The following SV2C variants were observed in gnomAD, a reference collection of about 807,000 sequenced individuals.
SV2C encodes the protein solute carrier family 22 member B3.
SV2C carries 49 observed loss-of-function variants against 79.7 expected under a neutral mutation model. The ratio of observed to expected loss-of-function variants is 0.61; its 90% CI spans 0.49 to 0.78. The LOEUF (loss-of-function observed/expected upper bound fraction) is 0.78, where lower values mean the gene tolerates loss of function less well. Among genes scored for constraint, SV2C ranks in the 30% least tolerant of loss-of-function variants. The pLI, the probability that SV2C is intolerant of heterozygous loss-of-function variation, is 0.00. For synonymous variants in SV2C, 334 were observed against 333.2 expected (o/e 1.00, Z -0.03); for missense variants, 833 against 912.9 (o/e 0.91, Z 1.13).
intron 3 of SV2C, among the ~76,000 whole-genome samples, chr5:76,209,020 C>T (rs145970608): frequency 0.015 from 2,244 of 152,304 alleles, 31 homozygotes; most frequent in Non-Finnish European, 0.022. Context: ...CTCCCCAGAG[C>T]TCAGTCAGCA....
chr5:76,294,699 G>C (rs1466121293), intron 8 of SV2C, among the ~76,000 whole-genome samples: 1 of 152,244 alleles, frequency 6.6e-6, no homozygotes, highest in Admixed American at 6.5e-5. Context: ...GTATATCTCA[G>C]TTTGAACCAG....
At chr5:76,037,609 A>C in the SV2C span, among the ~76,000 whole-genome samples, 1 of 152,128 alleles carries the variant, frequency 6.6e-6, no homozygotes, top group African/African-American at 2.4e-5. Flanking sequence ...CCGTTCTCAG[A>C]TCTCCAGCTG....
the SV2C span, among the ~76,000 whole-genome samples, chr5:76,002,168 GTGTA>G: frequency 1.6e-5 from 1 of 62,178 alleles, no homozygotes; most frequent in African/African-American, 5.6e-5. Context: ...CATTTTGTGT[GTGTA>G]TATATATATA....
chr5:76,256,204 C>G (rs1482639077), intron 4 of SV2C, among the ~76,000 whole-genome samples: 1 of 152,120 alleles, frequency 6.6e-6, no homozygotes, highest in African/African-American at 2.4e-5. Flanking sequence ...TGTATCTGTC[C>G]CCTGGGGGAG....
At chr5:76,095,152 A>G (rs1465274605) in intron 1 of SV2C, among the ~76,000 whole-genome samples, 1 of 151,988 alleles carries the variant, frequency 6.6e-6, no homozygotes, top group Non-Finnish European at 1.5e-5. Context: ...AGAGGCTTTT[A>G]AATTAACAGA....
the SV2C span, among the ~76,000 whole-genome samples, chr5:75,866,455 A>G: frequency 6.6e-6 from 1 of 152,208 alleles, no homozygotes; most frequent in South Asian, 2.1e-4. Flanking sequence ...ACTATCCCCT[A>G]TTTTATCAAC....
chr5:76,345,937 A>G (rs1749529095), intron 12 of SV2C, among the ~76,000 whole-genome samples: 1 of 152,090 alleles, frequency 6.6e-6, no homozygotes, highest in Admixed American at 6.5e-5. Flanking sequence ...CAAAATACCT[A>G]ATGCATGAAA....
the SV2C span, among the ~76,000 whole-genome samples, chr5:75,962,140 G>T: frequency 6.6e-6 from 1 of 152,088 alleles, no homozygotes. Flanking sequence ...TGAAGGACTT[G>T]GTCATGAGAG....
chr5:76,309,630 A>AAAAAAAAAAAAAC (rs1554046996), intron 12 of SV2C, among the ~76,000 whole-genome samples: 1 of 131,872 alleles, frequency 7.6e-6, no homozygotes, highest in Non-Finnish European at 1.6e-5. Flanking sequence ...AAAAAACAGA[A>AAAAAAAAAAAAAC]AGAAAGAAAG....
chr5:76,147,639 A>G (rs9293673), intron 2 of SV2C, among the ~76,000 whole-genome samples: 136,818 of 152,260 alleles, frequency 0.9, 61,552 homozygotes, highest in Non-Finnish European at 0.92. Flanking sequence ...CTTGGAAATC[A>G]GAGGGGAACA....
chr5:75,992,627 C>T, the SV2C span, among the ~76,000 whole-genome samples: 1 of 152,038 alleles, frequency 6.6e-6, no homozygotes, highest in Non-Finnish European at 1.5e-5. Flanking sequence ...ATTCACAGTT[C>T]ATGCACAGAC....
intron 4 of SV2C, chr5:76,280,927 C>CGCGACAGGGTCTGAGCCT (rs1747169249): frequency 1.9e-6 from 1 of 526,882 alleles, no homozygotes; most frequent in East Asian, 5.4e-5. Context: ...GTGCTGAGAG[C>CGCGACAGGGTCTGAGCCT]GCGACAGGGT....
chr5:75,966,376 T>G, the SV2C span, among the ~76,000 whole-genome samples: 1 of 152,142 alleles, frequency 6.6e-6, no homozygotes, highest in Non-Finnish European at 1.5e-5. Context: ...CCAAATAAAT[T>G]TTTATGCTAC....
At chr5:75,971,028 A>G in the SV2C span, among the ~76,000 whole-genome samples, 1 of 152,164 alleles carries the variant, frequency 6.6e-6, no homozygotes, top group Non-Finnish European at 1.5e-5. Flanking sequence ...ACATATGCAA[A>G]TCAATGAATG....
At chr5:76,002,461 A>C in the SV2C span, among the ~76,000 whole-genome samples, 1 of 152,152 alleles carries the variant, frequency 6.6e-6, no homozygotes. Context: ...GTTCCTTTGG[A>C]GGGTGATAAA....
chr5:75,866,314 C>G, the SV2C span, among the ~76,000 whole-genome samples: 1 of 152,086 alleles, frequency 6.6e-6, no homozygotes, highest in Non-Finnish European at 1.5e-5. Context: ...AACTGTTATG[C>G]AATCTGATAC....
At chr5:76,052,916 G>T in the SV2C span, among the ~76,000 whole-genome samples, 1 of 150,084 alleles carries the variant, frequency 6.7e-6, no homozygotes, top group Admixed American at 6.7e-5. Flanking sequence ...TTATATATTA[G>T]TATTATGTTA....
chr5:75,994,780 A>T, the SV2C span, among the ~76,000 whole-genome samples: 2 of 152,170 alleles, frequency 1.3e-5, no homozygotes, highest in Non-Finnish European at 2.9e-5. Flanking sequence ...TCACCAGATT[A>T]TGTAGGCCAA....
chr5:75,903,853 A>G, the SV2C span, among the ~76,000 whole-genome samples: 3 of 152,206 alleles, frequency 2.0e-5, no homozygotes, highest in Non-Finnish European at 4.4e-5. Flanking sequence ...ACAATTACAT[A>G]TTATTCTCAT....
Sources: allele counts gnomAD v4.1 joint callset (sites outside exome capture counted in the v4.1 genomes callset), GRCh38; gene constraint gnomAD v4.1.1; transcripts MANE v1.5; gene names NCBI Gene and HGNC (gene_info 2026-07-23, HGNC 2026-07-21).